The following PRELID2 variants were observed in gnomAD, a reference collection of about 807,000 sequenced individuals.
The protein encoded by PRELID2 is PRELI domain-containing protein 2.
Under a neutral mutation model 28.4 loss-of-function variants are expected in PRELID2, and 25 were observed. The observed-to-expected ratio is 0.88, with a 90% confidence interval of 0.64 to 1.23. The LOEUF (loss-of-function observed/expected upper bound fraction) is 1.23, where lower values mean the gene tolerates loss of function less well. Ranked by LOEUF, PRELID2 falls within the 50% of genes most tolerant of loss-of-function variation. The pLI is 0.00. For synonymous variants in PRELID2, 76 were observed against 71.6 expected, an observed-to-expected ratio of 1.06 and a Z score of -0.31; for missense variants, 201 against 214.4, an observed-to-expected ratio of 0.94 and a Z score of 0.39.
intron 1 of PRELID2, among the ~76,000 whole-genome samples, chr5:145,549,266 T>G (rs1255706937): frequency 6.6e-6 from 1 of 152,188 alleles, no homozygotes; most frequent in Non-Finnish European, 1.5e-5. Context: ...AATTTTAATA[T>G]CCCTACCTCT....
chr5:145,636,340 C>T (rs113084504), intron 1 of PRELID2, among the ~76,000 whole-genome samples: 50 of 152,298 alleles, frequency 3.3e-4, no homozygotes, highest in African/African-American at 1.1e-3. Context: ...CTATCCATCT[C>T]GGTCTGTATA....
chr5:145,753,463 G>T (rs777935278), downstream of PRELID2, among the ~76,000 whole-genome samples: 11 of 152,216 alleles, frequency 7.2e-5, no homozygotes, highest in Non-Finnish European at 1.3e-4. Context: ...TAGCATTTAA[G>T]AGGCACTGAG....
chr5:145,559,305 A>C lies in PRELID2; in HGVS notation n.71-85990T>G, dbSNP rs1051244482. On this transcript the variant is annotated intron_variant and non_coding_transcript_variant, in intron 1 of 2. Transcript: ENST00000510259. ...GGAAATACTGTAATAAATGTCCATC[A>C]AAAGAGAAATGATTTTATAAATTAG... Among the ~76,000 whole-genome samples, 99 of 152,270 alleles carry C rather than the reference A, an allele frequency of 6.5e-4. 3 individuals carry two copies. The highest frequency in any genetic ancestry group is 2.4e-3 in the African/African-American group (98 of 41,566).
the PRELID2 span, among the ~76,000 whole-genome samples, chr5:145,281,008 T>C: frequency 6.6e-6 from 1 of 152,144 alleles, no homozygotes; most frequent in African/African-American, 2.4e-5. Flanking sequence ...GCTCAAATGT[T>C]GAAATCAGAA....
chr5:145,509,091 G>T (rs1752439337), intron 1 of PRELID2, among the ~76,000 whole-genome samples: 1 of 152,118 alleles, frequency 6.6e-6, no homozygotes, highest in Admixed American at 6.5e-5. Context: ...AGATAGAGTA[G>T]GTATTTGCAT....
intron 5 of PRELID2, among the ~76,000 whole-genome samples, chr5:145,789,884 G>GA (rs908062303): frequency 2.0e-5 from 3 of 152,010 alleles, no homozygotes; most frequent in East Asian, 3.9e-4. Context: ...ACAGGTATAT[G>GA]AAAAAAAGAA....
chr5:145,364,093 A>G, the PRELID2 span, among the ~76,000 whole-genome samples: 1 of 151,976 alleles, frequency 6.6e-6, no homozygotes, highest in African/African-American at 2.4e-5. Flanking sequence ...ATTGCTTCAT[A>G]AGAGCTACTT....
intron 1 of PRELID2, among the ~76,000 whole-genome samples, chr5:145,553,193 CA>C (rs57790960): frequency 0.16 from 22,223 of 134,730 alleles, 2,037 homozygotes; most frequent in African/African-American, 0.3. Context: ...CCCCCCCCCC[CA>C]AAAAAAAAGG....
intron 1 of PRELID2, among the ~76,000 whole-genome samples, chr5:145,744,243 TCCTGCAGA>T (rs1756924455): frequency 6.6e-6 from 1 of 152,236 alleles, no homozygotes; most frequent in Non-Finnish European, 1.5e-5. Flanking sequence ...TAGCCTTTTC[TCCTGCAGA>T]CCAGCAGACT....
chr5:145,546,173 C>T lies in PRELID2; in HGVS notation n.71-72858G>A, dbSNP rs535086216. 2.0e-5 allele frequency among the ~76,000 whole-genome samples: 3 copies of T among 152,004 alleles called. No homozygotes were observed. In the East Asian group the frequency reaches 5.8e-4, roughly 29 times the overall value. ...TCATTATATTTATCATTTTTGAAGG[C>T]ACTCTATAATTGTTATTGTAGCATG... On this transcript the variant is annotated intron_variant and non_coding_transcript_variant, in intron 1 of 2. Coordinates refer to the PRELID2 transcript ENST00000510259.
At chr5:145,374,228 T>C in the PRELID2 span, among the ~76,000 whole-genome samples, 3 of 152,032 alleles carry the variant, frequency 2.0e-5, no homozygotes, top group Non-Finnish European at 2.9e-5. Flanking sequence ...ATTTTATTTT[T>C]CCATCACTTA....
the PRELID2 span, among the ~76,000 whole-genome samples, chr5:145,430,443 A>C: frequency 1.3e-5 from 2 of 152,168 alleles, no homozygotes; most frequent in African/African-American, 2.4e-5. Context: ...GGCAAGCGGC[A>C]CCTTCATGGA....
chr5:145,609,491 G>A (rs2149643817), intron 1 of PRELID2, among the ~76,000 whole-genome samples: 1 of 152,356 alleles, frequency 6.6e-6, no homozygotes, highest in South Asian at 2.1e-4. Context: ...AGGGGCAGCA[G>A]TTGGCAGAGA....
chr5:145,740,646 T>C (rs1470793576), intron 1 of PRELID2, among the ~76,000 whole-genome samples: 1 of 108,416 alleles, frequency 9.2e-6, no homozygotes, highest in East Asian at 2.7e-4. Context: ...TAAATATATA[T>C]ATTTTATATA....
At chr5:145,752,685 C>A (rs1252821151), downstream of PRELID2, among the ~76,000 whole-genome samples, 1 of 152,182 alleles carries the variant, frequency 6.6e-6, no homozygotes, top group African/African-American at 2.4e-5. Flanking sequence ...TTCTTAGTTT[C>A]TTTCTTCCTC....
At chr5:145,698,620 A>C (rs1266863688) in intron 1 of PRELID2, among the ~76,000 whole-genome samples, 1 of 152,192 alleles carries the variant, frequency 6.6e-6, no homozygotes, top group Non-Finnish European at 1.5e-5. Flanking sequence ...TAGAAGGGGC[A>C]ATGCAGCTGT....
chr5:145,255,209 T>A, the PRELID2 span, among the ~76,000 whole-genome samples: 1 of 152,162 alleles, frequency 6.6e-6, no homozygotes, highest in East Asian at 1.9e-4. Context: ...GGCCTACTGT[T>A]AAGGGAGGAA....
At chr5:145,652,599 C>T (rs906672146) in intron 1 of PRELID2, among the ~76,000 whole-genome samples, 17 of 152,232 alleles carry the variant, frequency 1.1e-4, no homozygotes, top group African/African-American at 4.1e-4. Context: ...CAATATTCGA[C>T]ATTCTAAAAG....
the PRELID2 span, among the ~76,000 whole-genome samples, chr5:145,252,829 G>A: frequency 6.6e-6 from 1 of 151,988 alleles, no homozygotes; most frequent in Non-Finnish European, 1.5e-5. Flanking sequence ...CCACTGAACT[G>A]TACATCTAAA....
Sources: gnomAD v4.1 joint callset for allele counts (sites outside exome capture counted in the v4.1 genomes callset) on GRCh38, gnomAD v4.1.1 for gene constraint, MANE v1.5 for transcripts, NCBI Gene and HGNC (gene_info 2026-07-23, HGNC 2026-07-21) for gene names.